The following GABARAP variants were observed in gnomAD, a reference collection of about 807,000 sequenced individuals.
GABARAP encodes GABA type A receptor-associated protein, also known as gamma-aminobutyric acid receptor-associated protein.
Under a neutral mutation model 16.7 loss-of-function variants are expected in GABARAP, and 5 were observed. The observed-to-expected ratio is 0.30, with a 90% CI of 0.16 to 0.63. The LOEUF (loss-of-function observed/expected upper bound fraction) is 0.63. Ranked by LOEUF, GABARAP falls within the 20% of genes least tolerant of loss-of-function variation. GABARAP has a pLI of 0.82. For missense variants in GABARAP, 84 were observed against 146.6 expected (o/e 0.57, Z 2.21); for synonymous variants, 45 against 52.7 (o/e 0.85, Z 0.64).
At position 7,240,437 on chromosome 17, in the gene GABARAP, T is replaced by C. The variant is rs2071764061; in HGVS notation, c.*417A>G. ...AATTCAGTTCAGCTTGGTGGTTTCC[T>C]CTTTATTGATGTGCCTCCTACCTTC... On this transcript the variant is annotated 3_prime_UTR_variant, in exon 4 of 4. Transcript: ENST00000302386. The C allele has an allele frequency of 5.9e-6, 1 of 168,718 alleles. No individual in the cohort carries two copies. Among genetic ancestry groups the C allele is most frequent in the Non-Finnish European group, 1.3e-5 (1 of 77,046 alleles). 10.5% of individuals were successfully genotyped at this position (168,718 alleles called of 1,614,324 possible).
chr17:7,241,853 C>T, intron 1 of GABARAP, 174 bp from the exon 2 acceptor site: 1 of 615,740 alleles, frequency 1.6e-6, no homozygotes. Context: ...CTGACTGGAG[C>T]TCATTTAAAT....
chr17:7,240,646 G>T lies in GABARAP; in HGVS notation c.*208C>A. On this transcript the variant is annotated 3_prime_UTR_variant, in exon 4 of 4. Coordinates refer to ENST00000302386, the MANE Select transcript of GABARAP (RefSeq NM_007278.2). ...GGATGGGAAAGGCGGGCAGAGAAAG[G>T]GGAAGAAAGGAGAAAGGAGAGTTAC... The T allele has an allele frequency of 1.8e-6, 1 of 543,702 alleles. No individual in the cohort carries two copies. The highest frequency in any genetic ancestry group is 3.1e-5 in the East Asian group (1 of 31,788). 33.7% of individuals were successfully genotyped at this position (543,702 alleles called of 1,614,324 possible).
rs985750571 is a variant in GABARAP, at chr17:7,242,424, T to G, written c.-94A>C. 6 of 923,874 alleles carry G rather than the reference T, an allele frequency of 6.5e-6. No homozygotes were observed. Among genetic ancestry groups the G allele is most frequent in the African/African-American group, 1.6e-5 (1 of 61,594 alleles). The allele number at this position is 923,874 out of a possible 1,614,324, so 57.2% of individuals were successfully genotyped here. On this transcript the variant is annotated 5_prime_UTR_variant, in exon 1 of 4. Transcript: ENST00000302386. Reference sequence around the variant, plus strand: ...ACGACGGCGGCGACGCGCGGGCGGATTCAGCGGAGCGATCCACGAATTTGC... The same window carrying G: ...ACGACGGCGGCGACGCGCGGGCGGAGTCAGCGGAGCGATCCACGAATTTGC...
At chr17:7,242,194 C>T (rs745470753) in intron 1 of GABARAP, 47 bp downstream of exon 1, 14 of 1,367,608 alleles carry the variant, frequency 1.0e-5, no homozygotes, top group African/African-American at 1.4e-5. Flanking sequence ...CAGGCTGTGG[C>T]GTCAGCGTAA....
intron 3 of GABARAP, 65 bp from the exon 4 acceptor site, chr17:7,240,984 G>C: frequency 1.9e-6 from 2 of 1,027,760 alleles, no homozygotes; most frequent in Non-Finnish European, 1.5e-6. Flanking sequence ...CCACGACCCA[G>C]ACACGTTCTT....
rs1283401999 is a variant in GABARAP, at chr17:7,240,454, C to G, written c.*400G>C. ...TGGTTTCCTCTTTATTGATGTGCCT[C>G]CTACCTTCCCCCCACAATTTCAGTC... On this transcript the variant is annotated 3_prime_UTR_variant, in exon 4 of 4. Coordinates refer to ENST00000302386, the MANE Select transcript of GABARAP (RefSeq NM_007278.2). 5.7e-6 allele frequency: 1 copy of G among 176,674 alleles called. No individual in the cohort carries two copies. Among genetic ancestry groups the G allele is most frequent in the East Asian group, 1.7e-4 (1 of 5,732 alleles). 10.9% of individuals were successfully genotyped at this position (176,674 alleles called of 1,614,324 possible). A position where few individuals can be genotyped will look rare whatever the true frequency, so the allele number is the denominator to read the frequency against.
chr17:7,242,288 G>A lies in GABARAP; in HGVS notation c.43C>T (p.Arg15Cys). ...YKEEHPFEKR[R>C]SEGEKIRKKY... ...TTTCGGATCTTCTCGCCCTCAGAGC[G>A]GCGCTTCTCGAACGGATGCTCTTCT... The change falls in exon 1 of 4, where the codon CGC (arginine) becomes TGC (cysteine). Residue 15 changes from arginine (R) to cysteine (C), a missense_variant. Coordinates refer to ENST00000302386, the MANE Select transcript of GABARAP (RefSeq NM_007278.2). 1 of 1,613,838 alleles carries A rather than the reference G, an allele frequency of 6.2e-7. No homozygotes were observed. The highest frequency in any genetic ancestry group is 8.5e-7 in the Non-Finnish European group (1 of 1,179,862).
chr17:7,241,521 C>T (rs1002182880), intron 2 of GABARAP, 61 bp from the exon 3 acceptor site: 2 of 1,327,304 alleles, frequency 1.5e-6, no homozygotes, highest in Admixed American at 1.7e-5. Flanking sequence ...AAAAGAACAG[C>T]TGCTAGGTGG....
At chr17:7,241,945 T>C (rs1386230142) in intron 1 of GABARAP, 4 of 594,946 alleles carry the variant, frequency 6.7e-6, no homozygotes, top group Non-Finnish European at 9.0e-6. Flanking sequence ...GGTCGACTAG[T>C]GATTCAATCT....
In GABARAP at chr17:7,242,309, C is replaced by T. The variant is rs1202473217; in HGVS notation, c.22G>A (p.Glu8Lys). The change falls in exon 1 of 4, where the codon GAG becomes AAG. Residue 8 changes from glutamate (E) to lysine (K), a missense_variant. Glu to Lys is a moderately conservative substitution (Grantham distance 56, BLOSUM62 1). Coordinates refer to ENST00000302386, the MANE Select transcript of GABARAP (RefSeq NM_007278.2). MKFVYKE[E>K]HPFEKRRSEG... ...GAGCGGCGCTTCTCGAACGGATGCT[C>T]TTCTTTGTACACGAACTTCATCCTC... 1 of 1,613,728 alleles carries T rather than the reference C, an allele frequency of 6.2e-7. No individual in the cohort carries two copies.
chr17:7,241,507 C>T (rs375603254), intron 2 of GABARAP, 47 bp from the exon 3 acceptor site: 70 of 1,342,304 alleles, frequency 5.2e-5, no homozygotes, highest in Non-Finnish European at 7.4e-5. Flanking sequence ...TCAAAAATGC[C>T]CTCAAAAGAA....
intron 3 of GABARAP, 106 bp downstream of exon 3, chr17:7,241,236 C>A: frequency 1.3e-6 from 1 of 749,446 alleles, no homozygotes; most frequent in Non-Finnish European, 2.4e-6. Flanking sequence ...AACTTTAAGG[C>A]AAGCCAGGAA....
intron 1 of GABARAP, chr17:7,241,887 G>A (rs2071782232): frequency 3.3e-6 from 2 of 597,378 alleles, no homozygotes; most frequent in Admixed American, 3.0e-5. Context: ...CCCCCAATAG[G>A]GCGTCACCAT....
intron 3 of GABARAP, 91 bp from the exon 4 acceptor site, chr17:7,241,010 A>T (rs2071772046): frequency 1.2e-6 from 1 of 843,146 alleles, no homozygotes; most frequent in East Asian, 2.4e-5. Context: ...ACCACAAACC[A>T]TTGCCTGACT....
At chr17:7,242,001 G>A (rs1307567349) in intron 1 of GABARAP, 8 of 597,438 alleles carry the variant, frequency 1.3e-5, no homozygotes, top group Non-Finnish European at 2.4e-5. Flanking sequence ...AGCTCAGGCT[G>A]TCAAACTCTC....
Position 7,241,368 on chromosome 17 carries a change from TG to T in GABARAP, c.261del (p.Ser88ValfsTer72). On this transcript the variant is annotated frameshift_variant, in exon 3 of 4. Coordinates refer to ENST00000302386, the MANE Select transcript of GABARAP (RefSeq NM_007278.2). LOFTEE classifies it high-confidence loss of function. ...TGGTACAGCTGACCCATTGTGGCAC[TG>T]GTGGGTGGAATGACATTGTTGACAA... ...FFFVNNVIPP[T>X]SATMGQLYQE... is the part of the protein sequence containing the mutation. 6.4e-7 allele frequency: 1 copy of T among 1,561,410 alleles called. No homozygotes were observed. The highest frequency in any genetic ancestry group is 8.8e-7 in the Non-Finnish European group (1 of 1,132,280).
At position 7,242,376 on chromosome 17, in the gene GABARAP, G is replaced by T. The variant is rs769635049; in HGVS notation, c.-46C>A. 37 of 1,458,568 alleles carry T rather than the reference G, an allele frequency of 2.5e-5. No homozygotes were observed. The South Asian group carries it at 2.9e-4, about 11-fold the overall frequency. 90.4% of individuals were successfully genotyped at this position (1,458,568 alleles called of 1,614,324 possible). ...ACAGGGCTGGGCTGAGGGAACCCAG[G>T]GGGGCCGGGACGGGGGGCGGCGACG... On this transcript the variant is annotated 5_prime_UTR_variant, in exon 1 of 4. Transcript: ENST00000302386.
chr17:7,241,354 AC>A lies in GABARAP; in HGVS notation c.275del (p.Gly92ValfsTer68). The A allele has an allele frequency of 2.0e-6, 3 of 1,472,220 alleles. No individual in the cohort carries two copies. Among genetic ancestry groups the A allele is most frequent in the Non-Finnish European group, 2.9e-6 (3 of 1,050,900 alleles). The allele number at this position is 1,472,220 out of a possible 1,614,324, so 91.2% of individuals were successfully genotyped here. ...CCAGTCACCATACCTGGTACAGCTG[AC>A]CCATTGTGGCACTGGTGGGTGGAAT... ...NVIPPTSATMGQLYQEHHEED... is the reference protein window; with the variant it reads ...NVIPPTSATMXQLYQEHHEED... On this transcript the variant is annotated frameshift_variant, in exon 3 of 4. Coordinates refer to ENST00000302386, the MANE Select transcript of GABARAP (RefSeq NM_007278.2). LOFTEE classifies it high-confidence loss of function.
At position 7,240,866 on chromosome 17, in the gene GABARAP, G is replaced by A. The variant is rs2071769912; in HGVS notation, c.342C>T (p.Val114=). The change falls in exon 4 of 4, where the codon GTC becomes GTT. Residue 114 remains valine (V), a synonymous_variant. Coordinates refer to ENST00000302386, the MANE Select transcript of GABARAP (RefSeq NM_007278.2). ...FLYIAYSDES[V]YGL is the part of the protein sequence containing the mutation. ...AGGGGCAGCAGCTTCACAGACCGTA[G>A]ACACTTTCGTCACTGTAGGCAATGT... 1 of 1,611,054 alleles carries A rather than the reference G, an allele frequency of 6.2e-7. No individual in the cohort carries two copies. Among genetic ancestry groups the A allele is most frequent in the Non-Finnish European group, 8.5e-7 (1 of 1,177,462 alleles).
Sources: allele counts gnomAD v4.1 joint callset, GRCh38; gene constraint gnomAD v4.1.1; transcripts MANE v1.5; gene names NCBI Gene and HGNC (gene_info 2026-07-23, HGNC 2026-07-21).